FBN3: variants seen among roughly 807,000 people sequenced by gnomAD.
FBN3 encodes the protein fibrillin 3, also known as fibrillin-3.
FBN3 carries 234 observed loss-of-function variants against 330.1 expected under a neutral mutation model. The ratio of observed to expected loss-of-function variants is 0.71; its 90% CI spans 0.64 to 0.79. The LOEUF (loss-of-function observed/expected upper bound fraction) is 0.79, where lower values mean the gene tolerates loss of function less well. FBN3 is among the 30% of genes least tolerant of loss of function. FBN3 has a pLI of 0.00. For synonymous variants in FBN3, 1,458 were observed against 1,517.3 expected (o/e 0.96, Z 0.91); for missense variants, 3,606 against 3,886.9 (o/e 0.93, Z 1.92).
chr19:8,135,001 C>A (rs2083245811), intron 13 of FBN3, among the ~76,000 whole-genome samples: 1 of 149,276 alleles, frequency 6.7e-6, no homozygotes, highest in African/African-American at 2.5e-5. Context: ...TTTTTTGAAA[C>A]AAGGTCTAGG....
At chr19:8,079,968 T>A (rs1218169800) in intron 59 of FBN3, among the ~76,000 whole-genome samples, 1 of 152,204 alleles carries the variant, frequency 6.6e-6, no homozygotes, top group Non-Finnish European at 1.5e-5. Context: ...TGATGGAAGA[T>A]CCCTGCCTTT....
chr19:8,135,936 G>GGGGGGGGGGGGGGGGGCCCCCCCCCCCCC, intron 13 of FBN3, 25 bp downstream of exon 13: 39 of 668,692 alleles, frequency 5.8e-5, no homozygotes, highest in East Asian at 1.2e-4. Context: ...GGAAGCCCCT[G>GGGGGGGGGGGGGGGGGCCCCCCCCCCCCC]CCCACCCGCC....
chr19:8,095,481 C>T lies in FBN3; in HGVS notation c.5679G>A (p.Leu1893=). ...GGCCAAATCGGCACACCTGCCCCAC[C>T]AGGGTAGTACACTCATCAAAATCTG... ...DCVDFDECTT[L]VGQVCRFGHC... The change falls in exon 46 of 64, where the codon CTG becomes CTA. Residue 1893 remains leucine, a synonymous_variant. Transcript: ENST00000600128. The T allele has an allele frequency of 1.2e-6, 2 of 1,613,734 alleles. No individual in the cohort carries two copies. The highest frequency in any genetic ancestry group is 1.3e-5 in the African/African-American group (1 of 75,042).
intron 57 of FBN3, among the ~76,000 whole-genome samples, chr19:8,082,524 C>T (rs1035067588): frequency 3.3e-5 from 5 of 150,864 alleles, no homozygotes; most frequent in African/African-American, 1.2e-4. Flanking sequence ...GACAGAGTCT[C>T]ACTCTGTTGT....
chr19:8,147,190 C>T lies in FBN3; in HGVS notation c.168-4G>A, dbSNP rs768391003. The T allele has an allele frequency of 2.5e-5, 39 of 1,564,724 alleles. No individual in the cohort carries two copies. Among genetic ancestry groups the T allele is most frequent in the African/African-American group, 1.1e-4 (8 of 73,814 alleles). ...CCGGGAGCCGCACACATTCGGCCTT[C>T]GGGGACAGCGAGATGGGTCTGGTGA... On this transcript the variant is annotated splice_region_variant and splice_polypyrimidine_tract_variant and intron_variant, in intron 2 of 63. Transcript: ENST00000600128.
intron 24 of FBN3, among the ~76,000 whole-genome samples, chr19:8,122,658 C>T (rs141002790): frequency 6.0e-5 from 9 of 149,192 alleles, no homozygotes; most frequent in African/African-American, 2.2e-4. Context: ...TGATCCATCG[C>T]ACCTGGCCCA....
Position 8,109,398 on chromosome 19 carries a change from C to A in FBN3, c.4457-10G>T. On this transcript the variant is annotated splice_polypyrimidine_tract_variant and intron_variant, in intron 35 of 63. Coordinates refer to ENST00000600128, the MANE Select transcript of FBN3 (RefSeq NM_032447.5). This position sits in a 1 kb window ranked among gnomAD's most constrained non-coding sequence, Gnocchi z 5.2. ...TTCCCGGCCCGAGTGTCTGAACAGG[C>A]AGAAGGGGATGGTTAGTAGGTGTCA... The A allele has an allele frequency of 6.2e-7, 1 of 1,614,074 alleles. No individual in the cohort carries two copies. Among genetic ancestry groups the A allele is most frequent in the Non-Finnish European group, 8.5e-7 (1 of 1,179,956 alleles).
At chr19:8,122,080 G>A (rs2082866268) in intron 24 of FBN3, among the ~76,000 whole-genome samples, 1 of 152,100 alleles carries the variant, frequency 6.6e-6, no homozygotes. Context: ...GGAGTGCAGT[G>A]GTGTGATCAC....
intron 63 of FBN3, among the ~76,000 whole-genome samples, chr19:8,071,692 C>T (rs1417755727): frequency 6.6e-6 from 1 of 152,094 alleles, no homozygotes; most frequent in Admixed American, 6.6e-5. Context: ...TTCCAGGGTG[C>T]AGGCAGGGTT....
In FBN3 at chr19:8,073,116, C is replaced by T. The variant is rs147675031; in HGVS notation, c.7884G>A (p.Thr2628=). ...GACAGCCGCACAGGAAGCCACCAGG[C>T]GTGTTGGCACAGCTGTAGCTACAGG... ...RGPCSYSCAN[T]PGGFLCGCPQ... Residue 2628 remains threonine, a synonymous_variant, in exon 62 of 64, where the codon ACG becomes ACA. Transcript: ENST00000600128. The T allele has an allele frequency of 6.2e-4, 1,003 of 1,613,644 alleles. 9 individuals carry two copies. The African/African-American group carries it at 0.012, about 19-fold the overall frequency.
chr19:8,126,723 G>T lies in FBN3; in HGVS notation c.2406C>A (p.Thr802=). Residue 802 remains threonine, a synonymous_variant, in exon 19 of 64, where the codon ACC becomes ACA. Coordinates refer to ENST00000600128, the MANE Select transcript of FBN3 (RefSeq NM_032447.5). ...TCCGGGGCCGCTCACCTAGACAGAA[G>T]GTACCAGAGGGGTCCAGCCGGCTGC... ...GPGSRLDPSG[T]FCLDSTKGTC... 1 of 1,583,066 alleles carries T rather than the reference G, an allele frequency of 6.3e-7. No individual in the cohort carries two copies. Among genetic ancestry groups the T allele is most frequent in the Non-Finnish European group, 8.6e-7 (1 of 1,164,958 alleles).
At chr19:8,110,800 A>G (rs2082561712) in intron 34 of FBN3, 45 bp downstream of exon 34, 2 of 1,611,574 alleles carry the variant, frequency 1.2e-6, no homozygotes, top group African/African-American at 1.3e-5. Context: ...CCCTGCCCCA[A>G]CTCCTGCTCT....
intron 6 of FBN3, among the ~76,000 whole-genome samples, chr19:8,143,282 T>C (rs1347602146): frequency 2.0e-5 from 3 of 152,080 alleles, no homozygotes; most frequent in African/African-American, 7.2e-5. Context: ...GGCCTGAGTG[T>C]CCAGCTGCTT....
intron 6 of FBN3, among the ~76,000 whole-genome samples, chr19:8,143,213 C>G (rs570339555): frequency 6.6e-6 from 1 of 152,168 alleles, no homozygotes; most frequent in African/African-American, 2.4e-5. Flanking sequence ...GGATCCTCAG[C>G]GGCACCCTGG....
At chr19:8,073,497 A>G (rs772359419) in intron 61 of FBN3, among the ~76,000 whole-genome samples, 200 bp from the exon 62 acceptor site, 9 of 152,142 alleles carry the variant, frequency 5.9e-5, no homozygotes, top group Non-Finnish European at 1.3e-4. Context: ...TCTCCTTCAC[A>G]ACATCTCTCA....
chr19:8,144,922 G>C lies in FBN3; in HGVS notation c.496C>G (p.Arg166Gly). ...HNGGRCIGPN[R>G]CACVYGFMGP... ...ATGAAGCCATACACACAGGCGCAGC[G>C]GTTGGGCCCAATGCAGCGACCCCCA... The change falls in exon 6 of 64, where the codon CGC becomes GGC. Residue 166 changes from arginine to glycine, a missense_variant. Coordinates refer to ENST00000600128, the MANE Select transcript of FBN3 (RefSeq NM_032447.5). 2 of 1,612,520 alleles carry C rather than the reference G, an allele frequency of 1.2e-6. No homozygotes were observed. The highest frequency in any genetic ancestry group is 2.2e-5 in the East Asian group (1 of 44,828).
At chr19:8,115,713 G>A in intron 29 of FBN3, 73 bp from the exon 30 acceptor site, 2 of 1,546,454 alleles carry the variant, frequency 1.3e-6, no homozygotes, top group Non-Finnish European at 1.8e-6. Flanking sequence ...GTGAGGGTGG[G>A]AGGGAGATCA....
At chr19:8,132,395 G>A (rs2083169019) in intron 14 of FBN3, among the ~76,000 whole-genome samples, 1 of 151,794 alleles carries the variant, frequency 6.6e-6, no homozygotes, top group Non-Finnish European at 1.5e-5. Flanking sequence ...TGCTCAGGCT[G>A]GTCTCGAACT....
At chr19:8,083,681 AC>A (rs2081862243) in intron 56 of FBN3, among the ~76,000 whole-genome samples, 4 of 151,662 alleles carry the variant, frequency 2.6e-5, no homozygotes, top group Admixed American at 2.6e-4. Context: ...AACATGATAC[AC>A]TAGCCACACA....
Sources: allele counts gnomAD v4.1 joint callset (sites outside exome capture counted in the v4.1 genomes callset), GRCh38; gene constraint gnomAD v4.1.1; non-coding constraint Gnocchi (gnomAD v3.1); transcripts MANE v1.5; gene names NCBI Gene and HGNC (gene_info 2026-07-23, HGNC 2026-07-21).